MFNG: variants seen among roughly 807,000 people sequenced by gnomAD.
MFNG encodes beta-1,3-N-acetylglucosaminyltransferase manic fringe.
Under a neutral mutation model 34.2 loss-of-function variants are expected in MFNG, and 24 were observed. That is an observed-to-expected ratio of 0.70 (90% CI 0.51 to 0.99). The LOEUF (loss-of-function observed/expected upper bound fraction) is 0.99, where lower values mean the gene tolerates loss of function less well. Ranked by LOEUF, MFNG falls within the 50% of genes least tolerant of loss-of-function variation. MFNG has a pLI of 0.00. For missense variants in MFNG, 383 were observed against 424.0 expected (o/e 0.90, Z 0.85); for synonymous variants, 158 against 179.2 (o/e 0.88, Z 0.94).
In MFNG at chr22:37,476,808, C is replaced by CAA; in HGVS notation, c.647+86_647+87dup. Reference sequence around the variant, plus strand: ...GAGCAGCTTCTCCTGAGCTCACTCTCAAAGCCCTTCCTGCTGCAAAGGCCC... The same window carrying CAA: ...GAGCAGCTTCTCCTGAGCTCACTCTCAAAAAGCCCTTCCTGCTGCAAAGGCCC... On this transcript the variant is annotated intron_variant, in intron 5 of 7. Transcript: ENST00000356998. 3 of 1,110,442 alleles carry CAA rather than the reference C, an allele frequency of 2.7e-6. No homozygotes were observed. The South Asian group carries it at 3.9e-5, about 15-fold the overall frequency. 68.8% of individuals were successfully genotyped at this position (1,110,442 alleles called of 1,614,324 possible). A position where few individuals can be genotyped will look rare whatever the true frequency, so the allele number is the denominator to read the frequency against.
intron 4 of MFNG, among the ~76,000 whole-genome samples, chr22:37,478,729 A>G (rs1601797435): frequency 6.6e-6 from 1 of 151,026 alleles, no homozygotes. Flanking sequence ...CCCAGGCTGG[A>G]GTGCAGTGGC....
At chr22:37,473,005 C>A (rs985704221) in intron 6 of MFNG, among the ~76,000 whole-genome samples, 1 of 152,198 alleles carries the variant, frequency 6.6e-6, no homozygotes, top group African/African-American at 2.4e-5. Flanking sequence ...GACCACCCAG[C>A]TAGGGTTCCA....
At position 37,476,452 on chromosome 22, in the gene MFNG, C is replaced by G. The variant is rs139122688; in HGVS notation, c.647+444G>C. The stretch of plus-strand genomic sequence containing the variant: ...CTCAAATACCACCTCTTCCTGGAAG[C>G]CTTCCCTTCTTCCCTCACCCAGAAG... On this transcript the variant is annotated intron_variant, in intron 5 of 7. Transcript: ENST00000356998. Among the ~76,000 whole-genome samples, 9 of 152,212 alleles carry G rather than the reference C, an allele frequency of 5.9e-5. No homozygotes were observed. In the East Asian group the frequency reaches 1.7e-3, roughly 29 times the overall value.
At chr22:37,473,636 G>A (rs1349299944) in intron 6 of MFNG, among the ~76,000 whole-genome samples, 1 of 152,162 alleles carries the variant, frequency 6.6e-6, no homozygotes, top group Non-Finnish European at 1.5e-5. Flanking sequence ...GGTAGGAGAT[G>A]GGTCACCTGA....
At chr22:37,475,273 G>C (rs1010948567) in intron 5 of MFNG, among the ~76,000 whole-genome samples, 1 of 152,142 alleles carries the variant, frequency 6.6e-6, no homozygotes, top group Admixed American at 6.5e-5. Flanking sequence ...GCCCAGGCTG[G>C]AGTGCAGTGG....
chr22:37,480,150 C>A, intron 3 of MFNG, 47 bp downstream of exon 3: 1 of 1,497,844 alleles, frequency 6.7e-7, no homozygotes, highest in East Asian at 2.3e-5. Flanking sequence ...GGGTTATTTT[C>A]ACTGGGCCCA....
In MFNG at chr22:37,485,371, C is replaced by T. The variant is rs1289827360; in HGVS notation, c.255+552G>A. 3.3e-5 allele frequency among the ~76,000 whole-genome samples: 5 copies of T among 152,334 alleles called. No homozygotes were observed. The South Asian group carries it at 6.2e-4, about 19-fold the overall frequency. ...CACACCCGGGGCAGCAGAGACACAG[C>T]GGCAGGGGCTATCGGGAAGGCCGAA... On this transcript the variant is annotated intron_variant, in intron 1 of 7. Transcript: ENST00000356998. The surrounding 1 kb of genome is among the most constrained non-coding windows in gnomAD (Gnocchi z 5.3).
At position 37,482,599 on chromosome 22, in the gene MFNG, G is replaced by A. The variant is rs776152348; in HGVS notation, c.256-1830C>T. On this transcript the variant is annotated intron_variant, in intron 1 of 7. Transcript: ENST00000356998. This position sits in a 1 kb window ranked among gnomAD's most constrained non-coding sequence, Gnocchi z 4.1. The stretch of plus-strand genomic sequence containing the variant: ...CCCTGACACCCCTCCAGCTACTTTA[G>A]AGGCCCCTGCTATGTGTTCCTCAGC... Among the ~76,000 whole-genome samples the A allele has an allele frequency of 4.9e-4, 74 of 152,082 alleles. No homozygotes were observed. The highest frequency in any genetic ancestry group is 8.5e-4 in the Non-Finnish European group (58 of 68,020).
At chr22:37,480,424 C>A in intron 2 of MFNG, 125 bp from the exon 3 acceptor site, 1 of 751,668 alleles carries the variant, frequency 1.3e-6, no homozygotes, top group Non-Finnish European at 2.2e-6. Context: ...CCATTTTACA[C>A]ATGGTAGGAC....
chr22:37,478,099 C>T (rs1338397412), intron 4 of MFNG, among the ~76,000 whole-genome samples: 2 of 152,218 alleles, frequency 1.3e-5, no homozygotes, highest in Non-Finnish European at 2.9e-5. Context: ...CACTCATACA[C>T]AGAGCCCTAG....
rs998994168 is a variant in MFNG, at chr22:37,485,111, G to T, written c.255+812C>A. Among the ~76,000 whole-genome samples the T allele has an allele frequency of 6.6e-6, 1 of 152,074 alleles. No homozygotes were observed. Among genetic ancestry groups the T allele is most frequent in the Admixed American group, 6.5e-5 (1 of 15,270 alleles). On this transcript the variant is annotated intron_variant, in intron 1 of 7. Coordinates refer to ENST00000356998, the MANE Select transcript of MFNG (RefSeq NM_002405.4). This position sits in a 1 kb window ranked among gnomAD's most constrained non-coding sequence, Gnocchi z 5.3. The stretch of plus-strand genomic sequence containing the variant: ...GGGCTGGAAGGGACTTGGCTCGCCG[G>T]AGCCGCACAGCCATGTGACAGACAT...
rs1241171837 is a variant in MFNG at position 37,483,357 on chromosome 22, G to A, written c.255+2566C>T. 1.3e-5 allele frequency among the ~76,000 whole-genome samples: 2 copies of A among 151,996 alleles called. No individual in the cohort carries two copies. Among genetic ancestry groups the A allele is most frequent in the Non-Finnish European group, 2.9e-5 (2 of 68,012 alleles). On this transcript the variant is annotated intron_variant, in intron 1 of 7. Transcript: ENST00000356998. This position sits in a 1 kb window ranked among gnomAD's most constrained non-coding sequence, Gnocchi z 4.5. Reference sequence around the variant, plus strand: ...CCACCCCAAGTCGGTTTTCAACACAGCCTCAAGGGATCCTATCAAAGAAAC... The same window carrying A: ...CCACCCCAAGTCGGTTTTCAACACAACCTCAAGGGATCCTATCAAAGAAAC...
At chr22:37,476,850 G>A in intron 5 of MFNG, 46 bp downstream of exon 5, 2 of 1,454,104 alleles carry the variant, frequency 1.4e-6, no homozygotes, top group Non-Finnish European at 1.9e-6. Context: ...TACCCCAGCT[G>A]CCACCCCCTC....
At chr22:37,477,510 C>CTGGTG (rs1569157112) in intron 4 of MFNG, among the ~76,000 whole-genome samples, 1 of 152,058 alleles carries the variant, frequency 6.6e-6, no homozygotes, top group Admixed American at 6.6e-5. Flanking sequence ...GCAGTGGCAC[C>CTGGTG]ATCTCTGCTC....
rs375864464 is a variant in MFNG, at chr22:37,482,646, ACAG to A, written c.256-1880_256-1878del. Among the ~76,000 whole-genome samples, 113 of 152,086 alleles carry A rather than the reference ACAG, an allele frequency of 7.4e-4. No individual in the cohort carries two copies. The highest frequency in any genetic ancestry group is 2.6e-3 in the African/African-American group (108 of 41,472). On this transcript the variant is annotated intron_variant, in intron 1 of 7. Transcript: ENST00000356998. This position sits in a 1 kb window ranked among gnomAD's most constrained non-coding sequence, Gnocchi z 4.1. Reference sequence around the variant, plus strand: ...CAGCCCTCTGTTTCTCCTGTCACTAACAGCAGTTAGCAAAACTCCCTGGTTACA... The same window carrying A: ...CAGCCCTCTGTTTCTCCTGTCACTAACAGTTAGCAAAACTCCCTGGTTACA...
In MFNG at chr22:37,482,034, C is replaced by T. The variant is rs565768398; in HGVS notation, c.256-1265G>A. On this transcript the variant is annotated intron_variant, in intron 1 of 7. Coordinates refer to ENST00000356998, the MANE Select transcript of MFNG (RefSeq NM_002405.4). This position sits in a 1 kb window ranked among gnomAD's most constrained non-coding sequence, Gnocchi z 4.1. ...AGCAAGGAAGAGTTGACAGTGAAGT[C>T]AGGCTCAACTACTTGTATTTCAGGG... 9.8e-5 allele frequency among the ~76,000 whole-genome samples: 15 copies of T among 152,360 alleles called. No homozygotes were observed. The East Asian group carries it at 2.9e-3, about 29-fold the overall frequency.
intron 4 of MFNG, among the ~76,000 whole-genome samples, chr22:37,478,954 C>T (rs1057392241): frequency 6.6e-6 from 1 of 152,200 alleles, no homozygotes. Flanking sequence ...GCTGGGATTA[C>T]AGGCATGAGC....
intron 7 of MFNG, 101 bp from the exon 8 acceptor site, chr22:37,470,130 GTTTC>G (rs1262953850): frequency 2.4e-6 from 2 of 836,022 alleles, no homozygotes; most frequent in Non-Finnish European, 3.9e-6. Flanking sequence ...TTGGAGCAGG[GTTTC>G]TCTACCTCAA....
intron 7 of MFNG, among the ~76,000 whole-genome samples, chr22:37,471,279 C>A (rs1218767281): frequency 6.6e-6 from 1 of 152,212 alleles, no homozygotes; most frequent in Non-Finnish European, 1.5e-5. Context: ...AGACCCATTG[C>A]ATGTCACTAC....
Sources: allele counts gnomAD v4.1 joint callset (sites outside exome capture counted in the v4.1 genomes callset), GRCh38; gene constraint gnomAD v4.1.1; non-coding constraint Gnocchi (gnomAD v3.1); transcripts MANE v1.5; gene names NCBI Gene and HGNC (gene_info 2026-07-23, HGNC 2026-07-21).